SMG1: variants seen among roughly 807,000 people sequenced by gnomAD.
The protein encoded by SMG1 is serine/threonine-protein kinase SMG1.
A neutral mutation model predicts 419.9 loss-of-function variants in SMG1; 22 were observed. The observed-to-expected ratio is 0.05, with a 90% CI of 0.04 to 0.07. SMG1 has a LOEUF of 0.07. Ranked by LOEUF, SMG1 falls within the 10% of genes least tolerant of loss-of-function variation. SMG1 has a pLI of 1.00. For synonymous variants in SMG1, 1,538 were observed against 1,553.5 expected (o/e 0.99, Z 0.23); for missense variants, 3,185 against 4,342.0 (o/e 0.73, Z 7.49).
At chr16:18,900,977 T>C (rs1053479144) in intron 1 of SMG1, among the ~76,000 whole-genome samples, 1 of 152,174 alleles carries the variant, frequency 6.6e-6, no homozygotes, top group African/African-American at 2.4e-5. Flanking sequence ...AAAACACTGC[T>C]CTAAATATGA....
chr16:18,849,335 C>T lies in SMG1; in HGVS notation c.5505G>A (p.Val1835=). 6.2e-7 allele frequency: 1 copy of T among 1,613,816 alleles called. No individual in the cohort carries two copies. The highest frequency in any genetic ancestry group is 8.5e-7 in the Non-Finnish European group (1 of 1,179,816). ...GGTTACAAATACTTTGGCGCACATACACTTCAGGGTGGTTTAAGCGTGAGA... is the reference window on the plus strand; with the variant it reads ...GGTTACAAATACTTTGGCGCACATATACTTCAGGGTGGTTTAAGCGTGAGA... ...QLFSRLNHPE[V]YVRQSICNLL... is the part of the protein sequence containing the mutation. Residue 1835 remains valine (V), a synonymous_variant, in exon 36 of 63, where the codon GTG becomes GTA. Transcript: ENST00000446231.
Position 18,830,336 on chromosome 16 carries a change from T to C in SMG1, c.8826A>G (p.Gln2942=). The change falls in exon 52 of 63, where the codon CAA becomes CAG. Residue 2942 remains glutamine, a synonymous_variant. Transcript: ENST00000446231. ...LLHAQYGELI[Q]PRNGSVDETP... ...TTTCATCAACTGAACCATTTCTCGG[T>C]TGGATTAATTCACCGTACTGAGCAT... The C allele has an allele frequency of 1.2e-6, 2 of 1,613,940 alleles. No individual in the cohort carries two copies. Among genetic ancestry groups the C allele is most frequent in the Non-Finnish European group, 1.7e-6 (2 of 1,179,878 alleles).
intron 1 of SMG1, among the ~76,000 whole-genome samples, chr16:18,898,350 G>T (rs2037216640): frequency 6.6e-6 from 1 of 152,132 alleles, no homozygotes; most frequent in Admixed American, 6.5e-5. Context: ...AATATTCAGA[G>T]TTCATTTATT....
chr16:18,889,016 G>C (rs1162362151), intron 6 of SMG1, among the ~76,000 whole-genome samples: 1 of 151,168 alleles, frequency 6.6e-6, no homozygotes, highest in East Asian at 2.0e-4. Context: ...AGTAGATATG[G>C]GGTTTCACTA....
intron 55 of SMG1, among the ~76,000 whole-genome samples, chr16:18,820,800 C>A (rs1034392170): frequency 6.6e-6 from 1 of 152,152 alleles, no homozygotes; most frequent in South Asian, 2.1e-4. Context: ...TAAAACATCA[C>A]AGAATTATAC....
At position 18,853,769 on chromosome 16, in the gene SMG1, G is replaced by A. The variant is rs755899652; in HGVS notation, c.4582C>T (p.Leu1528=). ...CATTCTGCCTGGATCCATTTAGCCA[G>A]TGTCAGAATTGATTTAGCAACTGCA... ...EYAVAKSILT[L]AKWIQAEWKE... Residue 1528 remains leucine (L), a synonymous_variant, in exon 31 of 63, where the codon CTG becomes TTG. Transcript: ENST00000446231. 14 of 1,613,912 alleles carry A rather than the reference G, an allele frequency of 8.7e-6. No homozygotes were observed. The highest frequency in any genetic ancestry group is 5.1e-6 in the Non-Finnish European group (6 of 1,179,866).
intron 39 of SMG1, among the ~76,000 whole-genome samples, chr16:18,843,200 C>T (rs2034025098): frequency 6.6e-6 from 1 of 152,174 alleles, no homozygotes; most frequent in African/African-American, 2.4e-5. Context: ...AAGTTATTAA[C>T]CTTAAATTAC....
intron 29 of SMG1, among the ~76,000 whole-genome samples, chr16:18,855,870 G>A (rs1479400738): frequency 6.6e-6 from 1 of 152,170 alleles, no homozygotes; most frequent in African/African-American, 2.4e-5. Flanking sequence ...AGCCTCTGAT[G>A]ACTTCTCACT....
intron 18 of SMG1, among the ~76,000 whole-genome samples, chr16:18,870,322 A>G (rs1393996464): frequency 1.3e-5 from 2 of 152,220 alleles, no homozygotes; most frequent in Non-Finnish European, 2.9e-5. Context: ...ACAATAAAAG[A>G]TTACTGTTTA....
rs769818077 is a variant in SMG1, at chr16:18,896,923, T to A, written c.126A>T (p.Leu42Phe). ...CTCTATCTCTGGATGAAGAATATTTTAAATTATCTGGGTCGGCTGATGCAC... is the reference window on the plus strand; with the variant it reads ...CTCTATCTCTGGATGAAGAATATTTAAAATTATCTGGGTCGGCTGATGCAC... ...TDSASADPDN[L>F]KYSSSRDRGG... is the part of the protein sequence containing the mutation. Residue 42 changes from leucine (L) to phenylalanine (F), a missense_variant, in exon 2 of 63, where the codon TTA becomes TTT. Coordinates refer to ENST00000446231, the MANE Select transcript of SMG1 (RefSeq NM_015092.5). The A allele has an allele frequency of 1.9e-6, 3 of 1,590,788 alleles. No individual in the cohort carries two copies. In the East Asian group the frequency reaches 6.7e-5, roughly 36 times the overall value.
chr16:18,877,252 A>T lies in SMG1; in HGVS notation c.1519-20T>A, dbSNP rs547930663. ...AACAATCTAAAAGAATAAAATTTTT[A>T]AAAAATGAGCTTCTCCAATTACAAA... On this transcript the variant is annotated intron_variant, in intron 11 of 62. Coordinates refer to ENST00000446231, the MANE Select transcript of SMG1 (RefSeq NM_015092.5). 1.9e-5 allele frequency: 28 copies of T among 1,482,484 alleles called. No individual in the cohort carries two copies. In the African/African-American group the frequency reaches 2.2e-4, roughly 12 times the overall value. 91.8% of individuals were successfully genotyped at this position (1,482,484 alleles called of 1,614,324 possible).
chr16:18,805,471 A>G lies in SMG1; in HGVS notation c.*4098T>C, dbSNP rs996390585. On this transcript the variant is annotated 3_prime_UTR_variant, in exon 63 of 63. Transcript: ENST00000446231. ...CGACCCTAAGTAGTTCATATTTTAC[A>G]GCCCTTGAACTTATAAAGCTTTTCT... is the stretch of plus-strand genomic sequence containing the variant. 1 of 152,234 alleles carries G rather than the reference A, an allele frequency of 6.6e-6. No individual in the cohort carries two copies. The highest frequency in any genetic ancestry group is 1.5e-5 in the Non-Finnish European group (1 of 68,038). 9.4% of individuals were successfully genotyped at this position (152,234 alleles called of 1,614,324 possible).
intron 31 of SMG1, 41 bp from the exon 32 acceptor site, chr16:18,852,503 C>G: frequency 7.0e-7 from 1 of 1,420,940 alleles, no homozygotes; most frequent in Non-Finnish European, 9.3e-7. Flanking sequence ...TAAAAGAACT[C>G]AACAATGTTA....
intron 61 of SMG1, 23 bp from the exon 62 acceptor site, chr16:18,811,890 G>C (rs368691172): frequency 1.1e-4 from 181 of 1,613,204 alleles, no homozygotes; most frequent in Non-Finnish European, 1.3e-4. Flanking sequence ...AAAAACATAC[G>C]TAAGTCAAAC....
chr16:18,880,720 A>AGG (rs751761287), intron 10 of SMG1, among the ~76,000 whole-genome samples: 1,884 of 34,538 alleles, frequency 0.055, 153 homozygotes, highest in African/African-American at 0.22. Context: ...CCAAAAAAAA[A>AGG]AGGGGGGGGG....
At chr16:18,911,424 C>T (rs1329754021) in intron 1 of SMG1, 1 of 152,130 alleles carries the variant, frequency 6.6e-6, no homozygotes, top group Non-Finnish European at 1.5e-5. Flanking sequence ...AGGATAATCG[C>T]TTGAACCCGG....
Position 18,860,697 on chromosome 16 carries a change from G to A in SMG1, c.3775C>T (p.Leu1259=). Residue 1259 remains leucine (L), a synonymous_variant, in exon 26 of 63, where the codon CTA becomes TTA. Coordinates refer to ENST00000446231, the MANE Select transcript of SMG1 (RefSeq NM_015092.5). The part of the protein sequence containing the change: ...LELLPGENIN[L]LAGGSKEKID... ...TTTTCTTTTGATCCTCCAGCAAGTAGATTGATATTTTCTCCTGGTAACAAT... is the reference window on the plus strand; with the variant it reads ...TTTTCTTTTGATCCTCCAGCAAGTAAATTGATATTTTCTCCTGGTAACAAT... 6 of 1,554,702 alleles carry A rather than the reference G, an allele frequency of 3.9e-6. No homozygotes were observed. Among genetic ancestry groups the A allele is most frequent in the Non-Finnish European group, 5.2e-6 (6 of 1,146,192 alleles).
chr16:18,850,576 T>G, intron 33 of SMG1, 109 bp from the exon 34 acceptor site: 1 of 695,632 alleles, frequency 1.4e-6, no homozygotes, highest in Non-Finnish European at 2.4e-6. Context: ...AAAGATAAAA[T>G]TATCCCACAT....
At chr16:18,875,832 T>A in intron 13 of SMG1, 2 of 459,514 alleles carry the variant, frequency 4.4e-6, no homozygotes, top group South Asian at 7.7e-5. Flanking sequence ...ACTGACATTT[T>A]CTATAAGCAT....
Sources: gnomAD v4.1 joint callset for allele counts (sites outside exome capture counted in the v4.1 genomes callset) on GRCh38, gnomAD v4.1.1 for gene constraint, MANE v1.5 for transcripts, NCBI Gene and HGNC (gene_info 2026-07-23, HGNC 2026-07-21) for gene names.